The following PPM1H variants were observed in gnomAD, a reference collection of about 807,000 sequenced individuals.
PPM1H encodes protein phosphatase, Mg2+/Mn2+ dependent 1H.
In PPM1H, 27 loss-of-function variants were observed where a neutral mutation model predicts 54.9. The observed-to-expected ratio is 0.49, with a 90% CI of 0.36 to 0.68. The LOEUF is 0.68. Among genes scored for constraint, PPM1H ranks in the 30% least tolerant of loss-of-function variants. PPM1H has a pLI of 0.00. For missense variants in PPM1H, 596 were observed against 667.8 expected, an observed-to-expected ratio of 0.89 and a Z score of 1.19; for synonymous variants, 305 against 270.8, an observed-to-expected ratio of 1.13 and a Z score of -1.24.
At chr12:62,818,537 T>G (rs1371426823) in intron 2 of PPM1H, among the ~76,000 whole-genome samples, 2 of 150,338 alleles carry the variant, frequency 1.3e-5, no homozygotes, top group Non-Finnish European at 3.0e-5. Context: ...CTCATGAAAG[T>G]GTCTTTTGGA....
At position 62,720,107 on chromosome 12, in the gene PPM1H, A is replaced by G. The variant is rs556324497; in HGVS notation, c.1073+64T>C. 9.4e-4 allele frequency: 1,288 copies of G among 1,364,776 alleles called. 1 individual carries two copies. The highest frequency in any genetic ancestry group is 1.1e-3 in the Non-Finnish European group (1,093 of 955,168). The allele number at this position is 1,364,776 out of a possible 1,614,324, so 84.5% of individuals were successfully genotyped here. ...ATCCAAACTGTGTAACTGGCTGTTT[A>G]TGGTGGTGATGCTTCCTTCACACAC... On this transcript the variant is annotated intron_variant, in intron 6 of 9. Coordinates refer to ENST00000228705, the MANE Select transcript of PPM1H (RefSeq NM_020700.2).
intron 4 of PPM1H, among the ~76,000 whole-genome samples, chr12:62,741,595 T>G (rs1363688039): frequency 1.3e-5 from 2 of 152,178 alleles, no homozygotes. Flanking sequence ...CAGAACGCCT[T>G]CTGTTGTCCT....
intron 6 of PPM1H, among the ~76,000 whole-genome samples, chr12:62,708,794 AG>A (rs1246413610): frequency 6.6e-6 from 1 of 152,184 alleles, no homozygotes; most frequent in African/African-American, 2.4e-5. Context: ...TGTGATGCTA[AG>A]GTTTGAGGTA....
At chr12:62,719,241 T>C (rs1003734052) in intron 6 of PPM1H, among the ~76,000 whole-genome samples, 3 of 152,274 alleles carry the variant, frequency 2.0e-5, no homozygotes, top group South Asian at 2.1e-4. Context: ...ACCATGGGAA[T>C]TTGGGCTGTG....
intron 1 of PPM1H, among the ~76,000 whole-genome samples, chr12:62,932,475 T>A (rs1189397920): frequency 6.6e-6 from 1 of 152,110 alleles, no homozygotes. Context: ...ATTGCCTGCT[T>A]TTCCTTCTCG....
intron 1 of PPM1H, among the ~76,000 whole-genome samples, chr12:62,902,609 C>A (rs1171653615): frequency 3.9e-5 from 6 of 152,156 alleles, no homozygotes; most frequent in Non-Finnish European, 8.8e-5. Flanking sequence ...TGACTCTTCC[C>A]CTTGTTGGCT....
At chr12:62,840,051 C>CAGAGAGAGAGAGAGAGAGAGAG (rs202055824) in intron 1 of PPM1H, 108 of 130,442 alleles carry the variant, frequency 8.3e-4, no homozygotes, top group Non-Finnish European at 1.5e-3. Context: ...TCTAGAGAGA[C>CAGAGAGAGAGAGAGAGAGAGAG]AGAGAGAGAG....
intron 8 of PPM1H, among the ~76,000 whole-genome samples, chr12:62,671,917 T>A (rs1038218406): frequency 1.3e-5 from 2 of 152,234 alleles, no homozygotes; most frequent in East Asian, 3.8e-4. Context: ...ATATAAGATT[T>A]ACCTATATGC....
chr12:62,693,533 G>C (rs1029818996), intron 7 of PPM1H, among the ~76,000 whole-genome samples: 6 of 152,214 alleles, frequency 3.9e-5, no homozygotes, highest in Non-Finnish European at 5.9e-5. Context: ...TGCCTGAGCT[G>C]TTTTAACCTC....
intron 1 of PPM1H, among the ~76,000 whole-genome samples, chr12:62,878,041 G>C (rs753305163): frequency 1.3e-5 from 2 of 152,112 alleles, no homozygotes; most frequent in African/African-American, 2.4e-5. Flanking sequence ...GAGACTACAG[G>C]CGCCCGCCAC....
chr12:62,830,955 G>T (rs537628592), intron 2 of PPM1H, among the ~76,000 whole-genome samples: 2 of 152,034 alleles, frequency 1.3e-5, no homozygotes, highest in African/African-American at 4.8e-5. Context: ...CTGGGTTCAC[G>T]CCATTCTCCT....
chr12:62,788,683 A>C (rs1432427242), intron 3 of PPM1H, among the ~76,000 whole-genome samples: 3 of 152,248 alleles, frequency 2.0e-5, no homozygotes, highest in African/African-American at 7.2e-5. Context: ...TGTGAAACAT[A>C]CACTAGAGAG....
At chr12:62,905,687 G>A (rs1367042649) in intron 1 of PPM1H, among the ~76,000 whole-genome samples, 1 of 152,116 alleles carries the variant, frequency 6.6e-6, no homozygotes, top group Non-Finnish European at 1.5e-5. Flanking sequence ...CCAATAACAG[G>A]AAGGCTTTAA....
At chr12:62,686,587 C>T (rs1185408575) in intron 8 of PPM1H, among the ~76,000 whole-genome samples, 1 of 152,126 alleles carries the variant, frequency 6.6e-6, no homozygotes. Flanking sequence ...ATTCACGGAT[C>T]CTGATGTTGG....
At chr12:62,779,212 A>AAT (rs1360743851) in intron 4 of PPM1H, among the ~76,000 whole-genome samples, 3 of 151,814 alleles carry the variant, frequency 2.0e-5, no homozygotes, top group South Asian at 2.1e-4. Flanking sequence ...TAATTTTTGT[A>AAT]ATATATATAT....
At chr12:62,667,027 C>T in intron 9 of PPM1H, 151 bp downstream of exon 9, 2 of 889,656 alleles carry the variant, frequency 2.2e-6, no homozygotes, top group Non-Finnish European at 3.2e-6. Flanking sequence ...GTACCTCTTA[C>T]AAGAAAGGTA....
At chr12:62,778,054 C>T (rs1241301409) in intron 4 of PPM1H, among the ~76,000 whole-genome samples, 1 of 152,182 alleles carries the variant, frequency 6.6e-6, no homozygotes, top group African/African-American at 2.4e-5. Flanking sequence ...CTATGTTTGA[C>T]AGCTAAAGCT....
At chr12:62,710,122 A>T (rs1249492219) in intron 6 of PPM1H, among the ~76,000 whole-genome samples, 1 of 152,106 alleles carries the variant, frequency 6.6e-6, no homozygotes, top group Admixed American at 6.6e-5. Context: ...TTTAAAGCTA[A>T]CATAGTCCTA....
intron 1 of PPM1H, among the ~76,000 whole-genome samples, chr12:62,907,030 C>A (rs548839868): frequency 6.6e-4 from 100 of 152,336 alleles, no homozygotes; most frequent in African/African-American, 2.3e-3. Context: ...CCCATTTCCC[C>A]TACAGGGATT....
Sources: allele counts gnomAD v4.1 joint callset (sites outside exome capture counted in the v4.1 genomes callset), GRCh38; gene constraint gnomAD v4.1.1; transcripts MANE v1.5; gene names NCBI Gene and HGNC (gene_info 2026-07-23, HGNC 2026-07-21).